SLC71A2: variants seen among roughly 807,000 people sequenced by gnomAD.
The protein encoded by SLC71A2 is solute carrier family 71 member 2, also known as hippocampus abundant transcript-like 1.
At chr9:94,381,224 C>T in the SLC71A2 span, among the ~76,000 whole-genome samples, 1 of 148,620 alleles carries the variant, frequency 6.7e-6, no homozygotes, top group Non-Finnish European at 1.5e-5. Flanking sequence ...TTAGTAGAGA[C>T]GGGGTTTCTC....
At chr9:94,429,310 T>G in the SLC71A2 span, 9 of 1,521,166 alleles carry the variant, frequency 5.9e-6, no homozygotes, top group Non-Finnish European at 7.9e-6. Flanking sequence ...CTTGGTAGTT[T>G]AACTCTGGAA....
the SLC71A2 span, chr9:94,374,927 G>A: frequency 7.9e-7 from 1 of 1,267,632 alleles, no homozygotes; most frequent in Non-Finnish European, 9.9e-7. Flanking sequence ...GGAGCACCTG[G>A]GTGAGCGCGG....
At chr9:94,451,158 T>C in the SLC71A2 span, among the ~76,000 whole-genome samples, 1 of 152,232 alleles carries the variant, frequency 6.6e-6, no homozygotes, top group Non-Finnish European at 1.5e-5. Context: ...TTTTATTACT[T>C]GATACCATAT....
chr9:94,460,865 A>G, the SLC71A2 span: 3 of 152,154 alleles, frequency 2.0e-5, no homozygotes, highest in Admixed American at 6.5e-5. Flanking sequence ...TTACTATGCT[A>G]TTGGTTTTTA....
At chr9:94,459,435 G>A in the SLC71A2 span, 3 of 1,611,486 alleles carry the variant, frequency 1.9e-6, no homozygotes, top group Non-Finnish European at 8.5e-7. Context: ...GTGGGATTCT[G>A]CATACGCCAT....
At chr9:94,392,830 GATC>G in the SLC71A2 span, among the ~76,000 whole-genome samples, 15,448 of 151,546 alleles carry the variant, frequency 0.1, 1,357 homozygotes, top group East Asian at 0.34. Context: ...ATTACACAAT[GATC>G]ATCTTTAGTA....
At chr9:94,451,478 A>G in the SLC71A2 span, 1 of 1,569,228 alleles carries the variant, frequency 6.4e-7, no homozygotes, top group Non-Finnish European at 8.7e-7. Context: ...GGATCTGTTA[A>G]AATTGCAGCA....
chr9:94,410,198 C>T, the SLC71A2 span, among the ~76,000 whole-genome samples: 4 of 151,828 alleles, frequency 2.6e-5, no homozygotes, highest in East Asian at 5.8e-4. Flanking sequence ...TGCACTCCAG[C>T]GATCTTCCTG....
the SLC71A2 span, among the ~76,000 whole-genome samples, chr9:94,417,869 C>G: frequency 1.2e-5 from 1 of 85,160 alleles, no homozygotes; most frequent in Admixed American, 1.2e-4. Context: ...CCCCCCCCCC[C>G]CCCCCCCGAC....
At chr9:94,388,404 A>G in the SLC71A2 span, among the ~76,000 whole-genome samples, 2 of 152,190 alleles carry the variant, frequency 1.3e-5, no homozygotes, top group African/African-American at 2.4e-5. Flanking sequence ...ATCACTCTTC[A>G]AGGAACTTAC....
At chr9:94,377,723 C>T in the SLC71A2 span, among the ~76,000 whole-genome samples, 1 of 151,472 alleles carries the variant, frequency 6.6e-6, no homozygotes, top group South Asian at 2.1e-4. Context: ...GATATATTGA[C>T]CAGAAAAAGA....
At chr9:94,446,867 C>T in the SLC71A2 span, 1 of 1,612,472 alleles carries the variant, frequency 6.2e-7, no homozygotes, top group Non-Finnish European at 8.5e-7. Context: ...TACTAATCTG[C>T]ATCACCGTGT....
the SLC71A2 span, among the ~76,000 whole-genome samples, chr9:94,431,087 C>T: frequency 1.3e-5 from 2 of 152,258 alleles, no homozygotes; most frequent in Middle Eastern, 3.4e-3. Flanking sequence ...CCAAGGCAGG[C>T]GGATCACGAG....
the SLC71A2 span, among the ~76,000 whole-genome samples, chr9:94,448,034 C>T: frequency 1.1e-4 from 17 of 152,138 alleles, no homozygotes; most frequent in Admixed American, 4.6e-4. Flanking sequence ...ACCCACTGAA[C>T]GACACCTTAC....
the SLC71A2 span, among the ~76,000 whole-genome samples, chr9:94,446,586 T>C: frequency 1.3e-4 from 20 of 152,122 alleles, no homozygotes; most frequent in Non-Finnish European, 2.4e-4. Flanking sequence ...GATGAGTAAG[T>C]GTGTTTTGTG....
the SLC71A2 span, among the ~76,000 whole-genome samples, chr9:94,386,492 T>A: frequency 6.6e-6 from 1 of 151,428 alleles, no homozygotes; most frequent in Non-Finnish European, 1.5e-5. Flanking sequence ...TTCAGATGTT[T>A]TTTCCCTGGT....
the SLC71A2 span, among the ~76,000 whole-genome samples, chr9:94,420,251 T>TA: frequency 6.6e-6 from 1 of 152,182 alleles, no homozygotes; most frequent in South Asian, 2.1e-4. Flanking sequence ...CCTAACCCAC[T>TA]AGTCTTCCGT....
At chr9:94,457,383 A>T in the SLC71A2 span, among the ~76,000 whole-genome samples, 1 of 116,910 alleles carries the variant, frequency 8.6e-6, no homozygotes, top group African/African-American at 3.3e-5. Flanking sequence ...AAATTTTTTA[A>T]TGCCTAAGAG....
chr9:94,382,819 G>GGC, the SLC71A2 span, among the ~76,000 whole-genome samples: 1 of 152,224 alleles, frequency 6.6e-6, no homozygotes, highest in Non-Finnish European at 1.5e-5. Flanking sequence ...TGGGACTACA[G>GGC]GCATCCGCCA....
Sources: gnomAD v4.1 joint callset for allele counts (sites outside exome capture counted in the v4.1 genomes callset) on GRCh38, gnomAD v4.1.1 for gene constraint, MANE v1.5 for transcripts, NCBI Gene and HGNC (gene_info 2026-07-23, HGNC 2026-07-21) for gene names.